The following RNF216 variants were observed in gnomAD, a reference collection of about 807,000 sequenced individuals.
The protein encoded by RNF216 is E3 ubiquitin-protein ligase RNF216.
A neutral mutation model predicts 110.8 loss-of-function variants in RNF216; 72 were observed. That is an observed-to-expected ratio of 0.65 (90% CI 0.54 to 0.79). The LOEUF (loss-of-function observed/expected upper bound fraction) is 0.79, where lower values mean the gene tolerates loss of function less well. Among genes scored for constraint, RNF216 ranks in the 30% least tolerant of loss-of-function variants. RNF216 has a pLI of 0.00. For synonymous variants in RNF216, 495 were observed against 407.5 expected, an observed-to-expected ratio of 1.21 and a Z score of -2.59; for missense variants, 1,342 against 1,141.2, an observed-to-expected ratio of 1.18 and a Z score of -2.54.
At chr7:5,768,383 A>ACACACACACACACACACACACG (rs1796318880) in intron 1 of RNF216, among the ~76,000 whole-genome samples, 1 of 150,990 alleles carries the variant, frequency 6.6e-6, no homozygotes, top group Admixed American at 6.6e-5. Flanking sequence ...ACACACACAC[A>ACACACACACACACACACACACG]CACACACACA....
At chr7:5,700,251 G>A (rs566225865) in intron 13 of RNF216, among the ~76,000 whole-genome samples, 4 of 152,220 alleles carry the variant, frequency 2.6e-5, no homozygotes, top group East Asian at 1.9e-4. Flanking sequence ...ACCACAAGCC[G>A]CACACGTGCA....
intron 1 of RNF216, among the ~76,000 whole-genome samples, chr7:5,781,065 G>C (rs1348901664): frequency 2.0e-5 from 3 of 152,190 alleles, no homozygotes; most frequent in African/African-American, 7.2e-5. Context: ...AACTTTCGCG[G>C]AACACGCGCT....
intron 5 of RNF216, among the ~76,000 whole-genome samples, chr7:5,736,881 C>A (rs577919729): frequency 6.6e-6 from 1 of 151,368 alleles, no homozygotes. Context: ...CCCCTCCGCC[C>A]GGCAGCCGCC....
rs756914396 is a variant in RNF216, at chr7:5,725,841, CAA to C, written c.1390-405_1390-404del. ...CTGCACCACTGCACTCCAGCCTGGG[CAA>C]AAAAAAAAAAAAAAAAGGAATAGGC... is the stretch of plus-strand genomic sequence containing the variant. On this transcript the variant is annotated intron_variant, in intron 7 of 16. Coordinates refer to ENST00000389902, the MANE Select transcript of RNF216 (RefSeq NM_207111.4). 8.0e-3 allele frequency among the ~76,000 whole-genome samples: 616 copies of C among 77,090 alleles called. 1 individual carries two copies. The highest frequency in any genetic ancestry group is 0.03 in the Middle Eastern group (4 of 134). 50.6% of individuals were successfully genotyped at this position (77,090 alleles called of 152,430 possible).
chr7:5,658,257 A>C (rs1318514245), intron 13 of RNF216, among the ~76,000 whole-genome samples: 1 of 152,252 alleles, frequency 6.6e-6, no homozygotes, highest in Non-Finnish European at 1.5e-5. Context: ...ATTAAAGCCA[A>C]GTATCTGAAC....
At chr7:5,764,767 T>C (rs1195912002) in intron 1 of RNF216, among the ~76,000 whole-genome samples, 1 of 152,146 alleles carries the variant, frequency 6.6e-6, no homozygotes, top group Non-Finnish European at 1.5e-5. Context: ...TAAATTCTTT[T>C]TCAAGAGTAA....
intron 15 of RNF216, among the ~76,000 whole-genome samples, chr7:5,633,940 C>A (rs1176847681): frequency 6.6e-6 from 1 of 152,154 alleles, no homozygotes; most frequent in Admixed American, 6.5e-5. Flanking sequence ...GTTCTGTCCA[C>A]GCAGCAGGGT....
chr7:5,765,768 C>T (rs1240615547), intron 1 of RNF216, among the ~76,000 whole-genome samples: 1 of 145,518 alleles, frequency 6.9e-6, no homozygotes, highest in African/African-American at 2.6e-5. Context: ...CACAGTGAAA[C>T]CCCGTCTCTA....
intron 15 of RNF216, among the ~76,000 whole-genome samples, chr7:5,634,498 G>T (rs947391863): frequency 8.5e-5 from 13 of 152,364 alleles, no homozygotes; most frequent in Admixed American, 7.2e-4. Flanking sequence ...ACAGGAAGTT[G>T]GGGGAGGGAG....
intron 13 of RNF216, among the ~76,000 whole-genome samples, chr7:5,683,466 T>C (rs927069757): frequency 1.3e-5 from 2 of 152,098 alleles, no homozygotes; most frequent in Non-Finnish European, 2.9e-5. Flanking sequence ...CATCCTGAGG[T>C]GGGTCCCGTA....
chr7:5,729,134 CA>C (rs1487582489), intron 7 of RNF216, among the ~76,000 whole-genome samples: 5 of 152,184 alleles, frequency 3.3e-5, no homozygotes, highest in African/African-American at 1.2e-4. Context: ...AGTTGGAAAG[CA>C]AATCAGGAAG....
chr7:5,750,651 C>G (rs968796155), intron 3 of RNF216, among the ~76,000 whole-genome samples: 2 of 152,214 alleles, frequency 1.3e-5, no homozygotes, highest in African/African-American at 2.4e-5. Context: ...GCATGGGCCA[C>G]ACAGAGTTCA....
intron 14 of RNF216, chr7:5,649,964 C>T (rs1169908027): frequency 6.6e-6 from 1 of 152,220 alleles, no homozygotes; most frequent in East Asian, 1.9e-4. Context: ...TAGGATAACA[C>T]ACCGTTCTAC....
chr7:5,721,248 C>G, intron 8 of RNF216, 76 bp from the exon 9 acceptor site: 1 of 1,329,366 alleles, frequency 7.5e-7, no homozygotes, highest in African/African-American at 1.4e-5. Context: ...GTCCATTCTT[C>G]CCGGCCTCAT....
chr7:5,745,785 A>G (rs940967906), intron 3 of RNF216, among the ~76,000 whole-genome samples: 4 of 151,786 alleles, frequency 2.6e-5, no homozygotes, highest in African/African-American at 7.3e-5. Context: ...CTGTAATCCC[A>G]GCTACTCTCG....
chr7:5,654,375 A>C (rs569644595), intron 13 of RNF216, among the ~76,000 whole-genome samples: 1 of 152,196 alleles, frequency 6.6e-6, no homozygotes, highest in East Asian at 1.9e-4. Flanking sequence ...TTCTGGTGGG[A>C]TGTCGTAAAA....
intron 13 of RNF216, among the ~76,000 whole-genome samples, chr7:5,699,170 C>G (rs981104756): frequency 6.6e-6 from 1 of 152,160 alleles, no homozygotes; most frequent in Non-Finnish European, 1.5e-5. Context: ...TATCTATACC[C>G]TACCTGTTCA....
chr7:5,734,785 C>T (rs1794294328), intron 5 of RNF216, among the ~76,000 whole-genome samples: 1 of 150,284 alleles, frequency 6.7e-6, no homozygotes, highest in African/African-American at 2.5e-5. Flanking sequence ...AATCATGCCA[C>T]TGCACTCCAG....
intron 3 of RNF216, among the ~76,000 whole-genome samples, chr7:5,744,154 G>C (rs1794912593): frequency 1.3e-5 from 2 of 152,152 alleles, no homozygotes; most frequent in Non-Finnish European, 2.9e-5. Flanking sequence ...ACTAGATTGA[G>C]AACTGCAGCC....
Sources: allele counts gnomAD v4.1 joint callset (sites outside exome capture counted in the v4.1 genomes callset), GRCh38; gene constraint gnomAD v4.1.1; transcripts MANE v1.5; gene names NCBI Gene and HGNC (gene_info 2026-07-23, HGNC 2026-07-21).